The following GCNT4 variants were observed in gnomAD, a reference collection of about 807,000 sequenced individuals.
GCNT4 encodes the protein glucosaminyl (N-acetyl) transferase 4.
Under a neutral mutation model 31.3 loss-of-function variants are expected in GCNT4, and 17 were observed. That is an observed-to-expected ratio of 0.54 (90% confidence interval 0.37 to 0.81). The LOEUF (loss-of-function observed/expected upper bound fraction) is 0.81. GCNT4 is among the 40% of genes least tolerant of loss of function. The probability of loss-of-function intolerance (pLI) is 0.00; values close to 1 mark genes in which losing one functional copy is unlikely to be tolerated. For missense variants in GCNT4, 503 were observed against 525.5 expected (o/e 0.96, Z 0.42); for synonymous variants, 158 against 190.6 (o/e 0.83, Z 1.41).
downstream of GCNT4, among the ~76,000 whole-genome samples, chr5:75,023,283 ATT>A (rs996413667): frequency 6.6e-6 from 1 of 152,260 alleles, no homozygotes; most frequent in African/African-American, 2.4e-5. Flanking sequence ...CTGAAGAGCC[ATT>A]TATCAGAATA....
At chr5:75,023,616 T>C (rs745610997), downstream of GCNT4, among the ~76,000 whole-genome samples, 14 of 152,110 alleles carry the variant, frequency 9.2e-5, no homozygotes, top group Non-Finnish European at 1.6e-4. Context: ...ATAAAGACCA[T>C]GTAGCAACAT....
intron 3 of GCNT4, among the ~76,000 whole-genome samples, chr5:75,033,938 T>C (rs1466310394): frequency 6.6e-6 from 1 of 152,168 alleles, no homozygotes; most frequent in Non-Finnish European, 1.5e-5. Context: ...CATGAGGTAT[T>C]TGGCTTTCTG....
chr5:75,035,294 T>A (rs1038883396), intron 3 of GCNT4, among the ~76,000 whole-genome samples: 1 of 152,216 alleles, frequency 6.6e-6, no homozygotes, highest in Non-Finnish European at 1.5e-5. Flanking sequence ...TTCAAAGAAG[T>A]ACAGATGCTT....
chr5:75,041,709 A>C (rs1436846159), intron 3 of GCNT4, among the ~76,000 whole-genome samples: 1 of 152,174 alleles, frequency 6.6e-6, no homozygotes, highest in Admixed American at 6.5e-5. Flanking sequence ...CAACAAAAAG[A>C]AGCGCAGAAT....
chr5:75,041,372 T>C (rs967448028), intron 3 of GCNT4, among the ~76,000 whole-genome samples: 4 of 152,248 alleles, frequency 2.6e-5, no homozygotes, highest in Non-Finnish European at 2.9e-5. Context: ...TCCTGTGGAA[T>C]GTATGACAAT....
chr5:75,038,331 A>G (rs1189500041), intron 3 of GCNT4, among the ~76,000 whole-genome samples: 3 of 152,198 alleles, frequency 2.0e-5, no homozygotes, highest in Non-Finnish European at 4.4e-5. Flanking sequence ...CAGAAGTGCA[A>G]TATTAAAACG....
At chr5:75,022,070 C>T (rs369092610), downstream of GCNT4, among the ~76,000 whole-genome samples, 29 of 152,232 alleles carry the variant, frequency 1.9e-4, no homozygotes, top group African/African-American at 6.0e-4. Flanking sequence ...TTTTTCTTAG[C>T]TGGGTAGAGG....
chr5:75,051,183 TG>T (rs1479908523), intron 2 of GCNT4, among the ~76,000 whole-genome samples: 1 of 152,080 alleles, frequency 6.6e-6, no homozygotes, highest in African/African-American at 2.4e-5. Flanking sequence ...CCCCCATGGC[TG>T]CTTAGTTTAC....
intron 3 of GCNT4, among the ~76,000 whole-genome samples, chr5:75,042,034 A>G (rs1437584971): frequency 2.0e-5 from 3 of 152,244 alleles, no homozygotes; most frequent in Non-Finnish European, 4.4e-5. Flanking sequence ...GTTTGATGAA[A>G]AAGCTCACAT....
In GCNT4 at chr5:75,028,668, T is replaced by C. The variant is rs1161563797; in HGVS notation, c.*8A>G. On this transcript the variant is annotated 3_prime_UTR_variant, in exon 4 of 4. Coordinates refer to ENST00000652361, the MANE Select transcript of GCNT4 (RefSeq NM_001366737.1). Reference sequence around the variant, plus strand: ...AGGCACCCTCTTATTTCCATCCTGATTTTACTATCATGATGTGGTAGTGAG... The same window carrying C: ...AGGCACCCTCTTATTTCCATCCTGACTTTACTATCATGATGTGGTAGTGAG... The C allele has an allele frequency of 1.2e-6, 2 of 1,600,880 alleles. No homozygotes were observed. The highest frequency in any genetic ancestry group is 1.3e-5 in the African/African-American group (1 of 74,296).
At chr5:75,043,795 A>G (rs4487475) in intron 3 of GCNT4, among the ~76,000 whole-genome samples, 9,242 of 152,320 alleles carry the variant, frequency 0.061, 300 homozygotes, top group Middle Eastern at 0.11. Flanking sequence ...TAACCAACAT[A>G]TACATACGCA....
At chr5:75,047,612 C>A (rs753179228) in intron 3 of GCNT4, 3 of 152,112 alleles carry the variant, frequency 2.0e-5, no homozygotes, top group African/African-American at 4.8e-5. Context: ...ATTCCTACCA[C>A]AAAGTTGTTC....
At chr5:75,020,628 C>T (rs1742870976), downstream of GCNT4, among the ~76,000 whole-genome samples, 2 of 152,098 alleles carry the variant, frequency 1.3e-5, no homozygotes, top group Admixed American at 1.3e-4. Flanking sequence ...CCTCAGACCT[C>T]AGCTGAGGCT....
chr5:75,044,470 A>G lies in GCNT4; in HGVS notation c.-2+3427T>C, dbSNP rs138929827. On this transcript the variant is annotated intron_variant, in intron 3 of 3. Transcript: ENST00000652361. ...TAATCTAGTAGCCTTCTGCCTCCTC[A>G]TCTGTGAAAGAGGAACAAGGGCACT... Among the ~76,000 whole-genome samples, 106 of 151,090 alleles carry G rather than the reference A, an allele frequency of 7.0e-4. 1 individual carries two copies. The highest frequency in any genetic ancestry group is 5.8e-3 in the East Asian group (30 of 5,158).
At chr5:75,051,176 C>G (rs758003460) in intron 2 of GCNT4, among the ~76,000 whole-genome samples, 21 of 152,322 alleles carry the variant, frequency 1.4e-4, no homozygotes, top group Non-Finnish European at 2.2e-4. Context: ...CTCCCCTCCC[C>G]CATGGCTGCT....
chr5:75,035,157 T>C (rs6897228), intron 3 of GCNT4, among the ~76,000 whole-genome samples: 3,763 of 128,516 alleles, frequency 0.029, 418 homozygotes, highest in African/African-American at 0.12. Flanking sequence ...CTCAGCTAAG[T>C]GGACACGACC....
At chr5:75,044,251 T>G (rs997149157) in intron 3 of GCNT4, among the ~76,000 whole-genome samples, 1 of 152,076 alleles carries the variant, frequency 6.6e-6, no homozygotes, top group Admixed American at 6.6e-5. Context: ...CCATGTTGAA[T>G]AGTTCTGAGC....
intron 3 of GCNT4, among the ~76,000 whole-genome samples, chr5:75,031,809 A>G (rs1208660430): frequency 6.6e-6 from 1 of 152,206 alleles, no homozygotes; most frequent in African/African-American, 2.4e-5. Flanking sequence ...CGGCCCAGGA[A>G]GTACTAGCCC....
At position 75,052,508 on chromosome 5, in the gene GCNT4, C is replaced by G. The variant is rs1235302448; in HGVS notation, c.-281G>C. 6.6e-6 allele frequency: 1 copy of G among 152,242 alleles called. No homozygotes were observed. Among genetic ancestry groups the G allele is most frequent in the African/African-American group, 2.4e-5 (1 of 41,456 alleles). 9.4% of individuals were successfully genotyped at this position (152,242 alleles called of 1,614,324 possible). ...GGCTCGGATCCCAGAAGCTCCCGAC[C>G]CGCTGTGGTAGGCACCGCCACCTCG... On this transcript the variant is annotated 5_prime_UTR_variant, in exon 1 of 4. Transcript: ENST00000652361.
Sources: allele counts gnomAD v4.1 joint callset (sites outside exome capture counted in the v4.1 genomes callset), GRCh38; gene constraint gnomAD v4.1.1; transcripts MANE v1.5; gene names NCBI Gene and HGNC (gene_info 2026-07-23, HGNC 2026-07-21).